Variants in SHPRH observed in about 807,000 individuals in gnomAD.
The protein encoded by SHPRH is E3 ubiquitin-protein ligase SHPRH.
In SHPRH, 106 loss-of-function variants were observed where a neutral mutation model predicts 202.5. The observed-to-expected ratio is 0.52, with a 90% confidence interval of 0.45 to 0.62. SHPRH has a LOEUF of 0.62. SHPRH is among the 20% of genes least tolerant of loss of function. SHPRH has a pLI of 0.00. For synonymous variants in SHPRH, 729 were observed against 686.0 expected, an observed-to-expected ratio of 1.06 and a Z score of -0.98; for missense variants, 1,710 against 2,020.0, an observed-to-expected ratio of 0.85 and a Z score of 2.94.
At chr6:145,910,740 C>T (rs146249508) in intron 24 of SHPRH, 104 bp from the exon 25 acceptor site, 27 of 1,120,190 alleles carry the variant, frequency 2.4e-5, no homozygotes, top group Admixed American at 2.9e-5. Context: ...GATTTCATAA[C>T]ATTAATATTC....
At chr6:145,867,154 A>G (rs1779814750) in intron 2 of SHPRH, among the ~76,000 whole-genome samples, 1 of 152,118 alleles carries the variant, frequency 6.6e-6, no homozygotes, top group African/African-American at 2.4e-5. Context: ...CAGTATTTTT[A>G]GTTTCACTTT....
At chr6:145,911,791 A>C (rs1016582951) in intron 24 of SHPRH, among the ~76,000 whole-genome samples, 2 of 152,126 alleles carry the variant, frequency 1.3e-5, no homozygotes, top group African/African-American at 2.4e-5. Flanking sequence ...TTGAAAGAAG[A>C]GAAAACTGAG....
At position 145,957,117 on chromosome 6, in the gene SHPRH, G is replaced by A. The variant is rs116889701; in HGVS notation, c.-32-1763C>T. On this transcript the variant is annotated intron_variant, in intron 1 of 29. Transcript: ENST00000275233. ...AATTGATTTTTGAAAGAAGTTCAGA[G>A]GCAGTCAATGGGAAAGGTATCCTTT... Among the ~76,000 whole-genome samples the A allele has an allele frequency of 4.2e-3, 637 of 152,140 alleles. 18 individuals are homozygous for A. The East Asian group carries it at 0.071, about 17-fold the overall frequency.
rs1408708463 is a variant in SHPRH, at chr6:145,940,801, C to A, written c.2491G>T (p.Ala831Ser). The A allele has an allele frequency of 6.2e-7, 1 of 1,613,384 alleles. No homozygotes were observed. The highest frequency in any genetic ancestry group is 8.5e-7 in the Non-Finnish European group (1 of 1,179,764). Residue 831 changes from alanine to serine, a missense_variant and splice_region_variant, in exon 11 of 30, where the codon GCT becomes TCT. Transcript: ENST00000275233. ...AQMVECPTVK[A>S]AEMAQRLSGI... ...CTCAAACGCTGGGCCATTTCTGCAG[C>A]CTGATGAGAGGGAAAAATGAAATAA...
At chr6:145,917,997 C>T in intron 23 of SHPRH, 134 bp downstream of exon 23, 1 of 549,142 alleles carries the variant, frequency 1.8e-6, no homozygotes, top group Admixed American at 3.7e-5. Context: ...ATTGTAGAGA[C>T]ATAGGTAGTG....
At chr6:145,943,002 C>T in intron 9 of SHPRH, 141 bp downstream of exon 9, 3 of 983,558 alleles carry the variant, frequency 3.1e-6, no homozygotes, top group Non-Finnish European at 4.4e-6. Context: ...CAATTTTTTT[C>T]TTTAAGCTTT....
At chr6:145,923,384 T>G (rs1784594922) in intron 18 of SHPRH, among the ~76,000 whole-genome samples, 2 of 151,840 alleles carry the variant, frequency 1.3e-5, no homozygotes, top group African/African-American at 4.8e-5. Flanking sequence ...TGTGCTCACA[T>G]TATGAAGTGT....
In SHPRH at chr6:145,872,372, T is replaced by C. The variant is rs189118359; in HGVS notation, c.222-7881A>G. Among the ~76,000 whole-genome samples, 123 of 152,118 alleles carry C rather than the reference T, an allele frequency of 8.1e-4. No homozygotes were observed. The South Asian group carries it at 0.014, about 18-fold the overall frequency. On this transcript the variant is annotated intron_variant, in intron 2 of 2. Coordinates refer to the SHPRH transcript ENST00000417762. ...AAAAAAAAGCAACCCCATTAAAAAG[T>C]GGGCAAAGGACATGAACAGACACTT...
chr6:145,889,403 G>A (rs1204071561), intron 28 of SHPRH, among the ~76,000 whole-genome samples: 1 of 151,994 alleles, frequency 6.6e-6, no homozygotes, highest in Non-Finnish European at 1.5e-5. Context: ...TTCTAAAGAT[G>A]GATAATATTA....
chr6:145,894,763 A>G (rs1177025660), intron 26 of SHPRH, 122 bp downstream of exon 26: 3 of 749,206 alleles, frequency 4.0e-6, no homozygotes, highest in Non-Finnish European at 6.3e-6. Flanking sequence ...AAATAATTCT[A>G]TCTTATGGAT....
At chr6:145,867,631 T>TATATATATAGAGAGAGAGAGAGAGAG (rs1554220329) in intron 2 of SHPRH, among the ~76,000 whole-genome samples, 1 of 22,316 alleles carries the variant, frequency 4.5e-5, no homozygotes, top group African/African-American at 2.2e-4. Flanking sequence ...TATATATATA[T>TATATATATAGAGAGAGAGAGAGAGAG]AGAGAGAGAG....
Position 145,955,038 on chromosome 6 carries a change from C to T in SHPRH, c.285G>A (p.Leu95=). 6.2e-7 allele frequency: 1 copy of T among 1,613,152 alleles called. No individual in the cohort carries two copies. Among genetic ancestry groups the T allele is most frequent in the Non-Finnish European group, 8.5e-7 (1 of 1,179,868 alleles). The change falls in exon 2 of 30, where the codon TTG becomes TTA. Residue 95 remains leucine, a synonymous_variant. Coordinates refer to ENST00000275233, the MANE Select transcript of SHPRH (RefSeq NM_001042683.3). The part of the protein sequence containing the change: ...KEETVGIFSP[L]SVKLNIVISP... Reference sequence around the variant, plus strand: ...AAATCACAATATTTAACTTTACAGACAAAGGGGAAAAAATACCAACAGTCT... The same window carrying T: ...AAATCACAATATTTAACTTTACAGATAAAGGGGAAAAAATACCAACAGTCT...
intron 2 of SHPRH, among the ~76,000 whole-genome samples, chr6:145,875,349 GAAGA>G (rs1038260930): frequency 1.7e-4 from 26 of 152,230 alleles, no homozygotes; most frequent in African/African-American, 5.8e-4. Flanking sequence ...ACAGGCCCCA[GAAGA>G]AAGAATTGCC....
chr6:145,915,358 T>C (rs565863110), intron 23 of SHPRH, among the ~76,000 whole-genome samples: 89 of 151,950 alleles, frequency 5.9e-4, no homozygotes, highest in African/African-American at 2.0e-3. Context: ...TGCATATTTA[T>C]CTACATATTT....
rs768982387 is a variant in SHPRH, at chr6:145,921,342, C to A, written c.3833G>T (p.Gly1278Val). The change falls in exon 21 of 30, where the codon GGA becomes GTA. Residue 1278 changes from glycine to valine, a missense_variant. Physicochemically the swap from Gly to Val is moderately radical, Grantham distance 109. Transcript: ENST00000275233. ...GGTAGGTGCTCGATCATCCACCAGTCCTTCTTCATCTTCTATCATCTCCTC... is the reference window on the plus strand; with the variant it reads ...GGTAGGTGCTCGATCATCCACCAGTACTTCTTCATCTTCTATCATCTCCTC... ...IFEEMIEDEEGLVDDRAPTTT... is the reference protein window; with the variant it reads ...IFEEMIEDEEVLVDDRAPTTT... 8.1e-6 allele frequency: 13 copies of A among 1,612,766 alleles called. No homozygotes were observed. In the South Asian group the frequency reaches 1.4e-4, roughly 18 times the overall value.
chr6:145,947,153 TA>T (rs1417499280), intron 6 of SHPRH, among the ~76,000 whole-genome samples: 1 of 152,054 alleles, frequency 6.6e-6, no homozygotes, highest in Admixed American at 6.6e-5. Context: ...AAATAGCTCT[TA>T]AAAATATTTA....
intron 2 of SHPRH, among the ~76,000 whole-genome samples, chr6:145,874,998 A>G (rs986898588): frequency 6.6e-6 from 1 of 152,232 alleles, no homozygotes; most frequent in African/African-American, 2.4e-5. Flanking sequence ...CCAAAATCCC[A>G]AATTTGAAAT....
In SHPRH at chr6:145,963,975, T is replaced by C. The variant is rs1053550011; in HGVS notation, c.-277A>G. 1 of 152,290 alleles carries C rather than the reference T, an allele frequency of 6.6e-6. No individual in the cohort carries two copies. The allele number at this position is 152,290 out of a possible 1,614,324, so 9.4% of individuals were successfully genotyped here. A position where few individuals can be genotyped will look rare whatever the true frequency, so the allele number is the denominator to read the frequency against. Reference sequence around the variant, plus strand: ...CCCGGAGGGACGTGGTGGTCCGAAGTTCGCTAGTCCGGGATCGGGAAGAGG... The same window carrying C: ...CCCGGAGGGACGTGGTGGTCCGAAGCTCGCTAGTCCGGGATCGGGAAGAGG... On this transcript the variant is annotated 5_prime_UTR_variant, in exon 1 of 30. Transcript: ENST00000275233.
intron 29 of SHPRH, 79 bp from the exon 30 acceptor site, chr6:145,886,866 G>T: frequency 7.0e-7 from 1 of 1,427,548 alleles, no homozygotes; most frequent in South Asian, 1.5e-5. Flanking sequence ...ATACGAACTA[G>T]ACACATATTT....
Sources: allele counts gnomAD v4.1 joint callset (sites outside exome capture counted in the v4.1 genomes callset), GRCh38; gene constraint gnomAD v4.1.1; transcripts MANE v1.5; gene names NCBI Gene and HGNC (gene_info 2026-07-23, HGNC 2026-07-21).